SCAF11: variants seen among roughly 807,000 people sequenced by gnomAD.
SCAF11 encodes the protein protein SCAF11.
In SCAF11, 47 loss-of-function variants were observed where a neutral mutation model predicts 140.5. That is an observed-to-expected ratio of 0.33 (90% CI 0.26 to 0.43). The LOEUF (loss-of-function observed/expected upper bound fraction) is 0.43. Ranked by LOEUF, SCAF11 falls within the 20% of genes least tolerant of loss-of-function variation. The pLI, the probability that SCAF11 is intolerant of heterozygous loss-of-function variation, is 1.00. For synonymous variants in SCAF11, 557 were observed against 579.4 expected (o/e 0.96, Z 0.55); for missense variants, 1,645 against 1,705.1 (o/e 0.96, Z 0.62).
rs1944919511 is a variant in SCAF11 at position 45,927,681 on chromosome 12, T to C, written c.2020A>G (p.Asn674Asp). ...TCTAAAGATTTTTCCAATTTGGTGT[T>C]CAGAAGATTATTTTTTAGTAAGTTA... ...ENNLLKNNLLNTKLEKSLEEK... is the reference protein window; with the variant it reads ...ENNLLKNNLLDTKLEKSLEEK... Residue 674 changes from asparagine (N) to aspartate (D), a missense_variant, in exon 11 of 15, where the codon AAC becomes GAC. By Grantham distance (23) the Asn-to-Asp change is conservative. Transcript: ENST00000369367. 2 of 1,612,032 alleles carry C rather than the reference T, an allele frequency of 1.2e-6. No individual in the cohort carries two copies. Among genetic ancestry groups the C allele is most frequent in the African/African-American group, 1.3e-5 (1 of 74,884 alleles).
At chr12:45,977,165 C>CA (rs770774462) in intron 1 of SCAF11, among the ~76,000 whole-genome samples, 368 of 145,368 alleles carry the variant, frequency 2.5e-3, no homozygotes, top group East Asian at 9.1e-3. Context: ...TATCCTCATG[C>CA]AAAAAAAAAA....
chr12:45,990,311 G>T, intron 1 of SCAF11, 42 bp downstream of exon 1: 1 of 1,231,730 alleles, frequency 8.1e-7, no homozygotes, highest in Non-Finnish European at 1.0e-6. Flanking sequence ...CTCCCAGACA[G>T]CTGCCCAAGC....
chr12:45,991,930 C>A (rs1476757364), upstream of SCAF11: 1 of 1,287,898 alleles, frequency 7.8e-7, no homozygotes, highest in East Asian at 5.6e-5. Context: ...GTTTTCCTGT[C>A]GCCTGCCCCC....
chr12:45,944,358 C>T (rs1045523374), intron 6 of SCAF11, among the ~76,000 whole-genome samples: 5 of 152,136 alleles, frequency 3.3e-5, no homozygotes, highest in African/African-American at 1.2e-4. Flanking sequence ...AAAGGCAGAA[C>T]GTTTGTTAAT....
chr12:45,972,463 T>C (rs771392088), intron 1 of SCAF11, among the ~76,000 whole-genome samples: 1 of 151,848 alleles, frequency 6.6e-6, no homozygotes, highest in Non-Finnish European at 1.5e-5. Flanking sequence ...TGTGTCACTG[T>C]AGTCCCAGCT....
intron 3 of SCAF11, among the ~76,000 whole-genome samples, chr12:45,957,700 A>G (rs1387653381): frequency 6.6e-6 from 1 of 152,178 alleles, no homozygotes; most frequent in Non-Finnish European, 1.5e-5. Flanking sequence ...GATAAGGGAA[A>G]TATTTTATAT....
intron 1 of SCAF11, among the ~76,000 whole-genome samples, chr12:45,977,485 T>C (rs1199368497): frequency 1.3e-5 from 2 of 152,112 alleles, no homozygotes; most frequent in African/African-American, 4.8e-5. Context: ...ATTGCAAATC[T>C]TGACTGTAGT....
chr12:45,974,120 T>C (rs10880879), intron 1 of SCAF11: 212,241 of 462,336 alleles, frequency 0.46, 50,886 homozygotes, highest in East Asian at 0.54. Flanking sequence ...TATGTTTATA[T>C]TATACTGTAG....
chr12:45,948,541 T>G lies in SCAF11; in HGVS notation c.298-4A>C. On this transcript the variant is annotated splice_polypyrimidine_tract_variant and splice_region_variant and intron_variant, in intron 4 of 14. Transcript: ENST00000369367. Reference sequence around the variant, plus strand: ...TCAGCTGTTTTTTTACTTGAACCTATGAGAAAAGCAAAATCAATTTAGAGC... The same window carrying G: ...TCAGCTGTTTTTTTACTTGAACCTAGGAGAAAAGCAAAATCAATTTAGAGC... 6.4e-7 allele frequency: 1 copy of G among 1,566,728 alleles called. No homozygotes were observed.
intron 8 of SCAF11, among the ~76,000 whole-genome samples, chr12:45,933,941 A>C (rs1273888067): frequency 6.6e-6 from 1 of 152,134 alleles, no homozygotes; most frequent in Admixed American, 6.6e-5. Context: ...TATTAATGAA[A>C]ACAAAGCACA....
intron 3 of SCAF11, chr12:45,961,075 T>A: frequency 2.4e-6 from 1 of 410,670 alleles, no homozygotes; most frequent in Non-Finnish European, 4.4e-6. Flanking sequence ...TTGTTTCTTA[T>A]TCACTGTCTA....
In SCAF11 at chr12:45,972,897, TATATATATATAG is replaced by T. The variant is rs1437722179; in HGVS notation, c.-21-8721_-21-8710del. On this transcript the variant is annotated intron_variant, in intron 1 of 14. Transcript: ENST00000369367. ...ATATATATAGATATATATATAGATA[TATATATATATAG>T]ATATATATATAGATATATAGATATA... Among the ~76,000 whole-genome samples the T allele has an allele frequency of 1.5e-4, 10 of 64,844 alleles. No individual in the cohort carries two copies. In the South Asian group the frequency reaches 2.5e-3, roughly 16 times the overall value. The allele number at this position is 64,844 out of a possible 152,430, so 42.5% of individuals were successfully genotyped here.
upstream of SCAF11, chr12:45,991,882 C>T (rs1436448288): frequency 1.6e-6 from 2 of 1,284,084 alleles, no homozygotes; most frequent in Non-Finnish European, 2.0e-6. Context: ...GCGCGCGGCT[C>T]ACCCAGGTCC....
Position 45,964,181 on chromosome 12 carries a change from A to T in SCAF11, c.-14T>A, listed in dbSNP as rs201143721. 3,520 of 1,432,782 alleles carry T rather than the reference A, an allele frequency of 2.5e-3. 11 individuals carry two copies. The highest frequency in any genetic ancestry group is 4.9e-3 in the Middle Eastern group (28 of 5,670). 88.8% of individuals were successfully genotyped at this position (1,432,782 alleles called of 1,614,324 possible). The stretch of plus-strand genomic sequence containing the variant: ...TTTCTTCTTCATTTCTCTTTGGAAA[A>T]GGGTTTCCTATAAGATAAATTATAA... On this transcript the variant is annotated 5_prime_UTR_variant, in exon 2 of 15. Coordinates refer to ENST00000369367, the MANE Select transcript of SCAF11 (RefSeq NM_004719.3).
intron 3 of SCAF11, chr12:45,955,780 C>T (rs1014820941): frequency 1.1e-5 from 2 of 177,980 alleles, no homozygotes; most frequent in African/African-American, 2.4e-5. Context: ...GTTTGAATTA[C>T]TGACTTTCAT....
intron 3 of SCAF11, among the ~76,000 whole-genome samples, chr12:45,953,261 T>C (rs572813889): frequency 2.0e-3 from 310 of 152,356 alleles, no homozygotes; most frequent in Non-Finnish European, 3.7e-3. Flanking sequence ...TTTTTAATAA[T>C]GCATTGTCTA....
In SCAF11 at chr12:45,937,087, A is replaced by C. The variant is rs142472430; in HGVS notation, c.464-2582T>G. On this transcript the variant is annotated intron_variant, in intron 6 of 14. Coordinates refer to ENST00000369367, the MANE Select transcript of SCAF11 (RefSeq NM_004719.3). ...ACTAAGTATTATATTATTTCTTCATATCTGGACACCTGTGCTCTACTATTA... is the reference window on the plus strand; with the variant it reads ...ACTAAGTATTATATTATTTCTTCATCTCTGGACACCTGTGCTCTACTATTA... 6.6e-5 allele frequency among the ~76,000 whole-genome samples: 10 copies of C among 152,158 alleles called. No homozygotes were observed. In the East Asian group the frequency reaches 1.9e-3, roughly 29 times the overall value.
rs997308 is a variant in SCAF11 at position 45,953,538 on chromosome 12, C to T, written c.220-1811G>A. 9.3e-3 allele frequency among the ~76,000 whole-genome samples: 1,408 copies of T among 152,162 alleles called. 24 individuals are homozygous for T. Among genetic ancestry groups the T allele is most frequent in the African/African-American group, 0.033 (1,357 of 41,484 alleles). ...CAGCCTAGGCAACAGAGTGAGATCC[C>T]ATCTCTGAAACATAGATAAATAAAA... On this transcript the variant is annotated intron_variant, in intron 3 of 14. Coordinates refer to ENST00000369367, the MANE Select transcript of SCAF11 (RefSeq NM_004719.3).
At chr12:45,948,172 A>C (rs892760272) in intron 5 of SCAF11, among the ~76,000 whole-genome samples, 5 of 152,054 alleles carry the variant, frequency 3.3e-5, no homozygotes, top group Non-Finnish European at 5.9e-5. Flanking sequence ...GTCTCATGTG[A>C]TCCTCTCACC....
Sources: gnomAD v4.1 joint callset for allele counts (sites outside exome capture counted in the v4.1 genomes callset) on GRCh38, gnomAD v4.1.1 for gene constraint, MANE v1.5 for transcripts, NCBI Gene and HGNC (gene_info 2026-07-23, HGNC 2026-07-21) for gene names.